MTUS2: variants seen among roughly 807,000 people sequenced by gnomAD.
MTUS2 encodes the protein microtubule-associated tumor suppressor candidate 2.
MTUS2 carries 40 observed loss-of-function variants against 114.1 expected under a neutral mutation model. The observed-to-expected ratio is 0.35, with a 90% CI of 0.27 to 0.46. The LOEUF is 0.46. Among genes scored for constraint, MTUS2 ranks in the 20% least tolerant of loss-of-function variants. MTUS2 has a pLI of 1.00. For missense variants in MTUS2, 1,679 were observed against 1,705.4 expected, an observed-to-expected ratio of 0.98 and a Z score of 0.27; for synonymous variants, 688 against 672.0, an observed-to-expected ratio of 1.02 and a Z score of -0.37.
At chr13:29,003,810 C>T (rs1885485743) in intron 2 of MTUS2, among the ~76,000 whole-genome samples, 1 of 152,188 alleles carries the variant, frequency 6.6e-6, no homozygotes, top group Admixed American at 6.5e-5. Flanking sequence ...AGGCAGAGTG[C>T]TCCTGCGGCC....
chr13:29,062,466 A>G (rs1226947694), intron 4 of MTUS2, among the ~76,000 whole-genome samples: 1 of 152,162 alleles, frequency 6.6e-6, no homozygotes, highest in Non-Finnish European at 1.5e-5. Flanking sequence ...GTACCATCAC[A>G]CTGGCAAATA....
rs372394574 is a variant in MTUS2 at position 29,033,897 on chromosome 13, C to T, written c.2218C>T (p.Pro740Ser). 12 of 1,613,854 alleles carry T rather than the reference C, an allele frequency of 7.4e-6. No homozygotes were observed. The African/African-American group carries it at 1.5e-4, about 20-fold the overall frequency. Residue 740 changes from proline (P) to serine (S), a missense_variant, in exon 4 of 16, where the codon CCT (proline) becomes TCT (serine). Transcript: ENST00000612955. ...TCATTTATCATAGGTTACAGACCAC[C>T]CTGGAAAAGAAGAGTTTTGTTCTCC... ...EKFLQEVTDH[P>S]GKEEFCSPPY...
At chr13:28,908,961 T>G (rs924057052) in intron 2 of MTUS2, among the ~76,000 whole-genome samples, 11 of 151,624 alleles carry the variant, frequency 7.3e-5, no homozygotes, top group African/African-American at 2.4e-4. Context: ...TTTCCCCATT[T>G]CTTGTTTTTG....
intron 8 of MTUS2, among the ~76,000 whole-genome samples, chr13:29,367,417 A>C (rs1870809831): frequency 6.6e-6 from 1 of 152,164 alleles, no homozygotes; most frequent in South Asian, 2.1e-4. Flanking sequence ...AGGGCCTTGA[A>C]TCTTAAATAA....
At chr13:28,902,413 T>C (rs1879698572) in intron 2 of MTUS2, among the ~76,000 whole-genome samples, 1 of 152,138 alleles carries the variant, frequency 6.6e-6, no homozygotes, top group Middle Eastern at 3.2e-3. Flanking sequence ...AGGGGAAACA[T>C]TCAGGCATTA....
intron 8 of MTUS2, among the ~76,000 whole-genome samples, chr13:29,432,650 C>T (rs1593437764): frequency 6.6e-6 from 1 of 152,184 alleles, no homozygotes; most frequent in South Asian, 2.1e-4. Context: ...TGAAATGTTC[C>T]TGGCCCTGGT....
chr13:29,064,357 T>TG (rs1888558158), intron 4 of MTUS2, among the ~76,000 whole-genome samples: 1 of 147,966 alleles, frequency 6.8e-6, no homozygotes, highest in Non-Finnish European at 1.5e-5. Context: ...GGCCAGATTG[T>TG]GGGGGGATTT....
chr13:29,155,857 C>G lies in MTUS2; in HGVS notation c.2644+54887C>G, dbSNP rs3902361. ...TTGTTAATTATAATATCATTAACTT[C>G]TGCTTGTTCCTGCTTAATGTTCTAT... On this transcript the variant is annotated intron_variant, in intron 5 of 15. Coordinates refer to ENST00000612955, the MANE Select transcript of MTUS2 (RefSeq NM_001033602.4). 2.7e-3 allele frequency among the ~76,000 whole-genome samples: 415 copies of G among 151,946 alleles called. 2 individuals carry two copies. Among genetic ancestry groups the G allele is most frequent in the African/African-American group, 9.5e-3 (395 of 41,428 alleles).
At chr13:28,894,437 A>AG (rs548158741) in intron 2 of MTUS2, among the ~76,000 whole-genome samples, 2 of 151,616 alleles carry the variant, frequency 1.3e-5, no homozygotes, top group African/African-American at 4.8e-5. Context: ...CAAGCCGGGA[A>AG]GGGGGTACCC....
At chr13:29,448,494 C>T (rs1311741393) in intron 9 of MTUS2, among the ~76,000 whole-genome samples, 1 of 151,844 alleles carries the variant, frequency 6.6e-6, no homozygotes, top group Non-Finnish European at 1.5e-5. Context: ...TTTTTTTTCC[C>T]CTTGGTGAGC....
chr13:28,823,246 A>G (rs576000467), intron 1 of MTUS2, among the ~76,000 whole-genome samples: 14 of 152,380 alleles, frequency 9.2e-5, no homozygotes, highest in Non-Finnish European at 1.6e-4. Flanking sequence ...AAACAAACTC[A>G]TTCCTCGAAA....
chr13:29,235,155 G>A (rs1285551576), intron 5 of MTUS2, among the ~76,000 whole-genome samples: 1 of 152,042 alleles, frequency 6.6e-6, no homozygotes, highest in East Asian at 1.9e-4. Flanking sequence ...GGAGTGCAGT[G>A]GCACGATCTC....
At chr13:29,258,393 T>A (rs887875890) in intron 5 of MTUS2, among the ~76,000 whole-genome samples, 1 of 152,106 alleles carries the variant, frequency 6.6e-6, no homozygotes, top group Non-Finnish European at 1.5e-5. Flanking sequence ...GAAAAAAAAA[T>A]GCTGTGCTTT....
At chr13:29,084,204 AGCCAGTTAGT>A (rs1821271778) in intron 4 of MTUS2, among the ~76,000 whole-genome samples, 2 of 152,194 alleles carry the variant, frequency 1.3e-5, no homozygotes, top group South Asian at 4.1e-4. Flanking sequence ...GAAGTACAAA[AGCCAGTTAGT>A]GCCCTTTTAA....
At chr13:29,182,525 T>A (rs193219299) in intron 5 of MTUS2, among the ~76,000 whole-genome samples, 76 of 152,312 alleles carry the variant, frequency 5.0e-4, no homozygotes, top group African/African-American at 1.7e-3. Flanking sequence ...GTACAATACA[T>A]CCCTGTTACT....
intron 5 of MTUS2, among the ~76,000 whole-genome samples, chr13:29,136,012 C>CT (rs1356501932): frequency 6.6e-6 from 1 of 152,172 alleles, no homozygotes; most frequent in African/African-American, 2.4e-5. Flanking sequence ...GTATTAGACT[C>CT]TTAAGTCCCA....
At chr13:28,990,167 A>G (rs1001192139) in intron 2 of MTUS2, among the ~76,000 whole-genome samples, 1 of 152,098 alleles carries the variant, frequency 6.6e-6, no homozygotes, top group African/African-American at 2.4e-5. Context: ...AGGTGTGGGG[A>G]ATTACAGGCC....
At chr13:29,163,328 G>A (rs1205327776) in intron 5 of MTUS2, among the ~76,000 whole-genome samples, 1 of 152,174 alleles carries the variant, frequency 6.6e-6, no homozygotes, top group Non-Finnish European at 1.5e-5. Flanking sequence ...CTCGGCAGGG[G>A]TTTTCTGAGG....
intron 5 of MTUS2, among the ~76,000 whole-genome samples, chr13:29,249,453 A>G (rs1331735323): frequency 5.3e-5 from 8 of 152,146 alleles, no homozygotes; most frequent in Admixed American, 5.2e-4. Context: ...CTGTTTCTCC[A>G]CAGCCTCACC....
Sources: gnomAD v4.1 joint callset for allele counts (sites outside exome capture counted in the v4.1 genomes callset) on GRCh38, gnomAD v4.1.1 for gene constraint, MANE v1.5 for transcripts, NCBI Gene and HGNC (gene_info 2026-07-23, HGNC 2026-07-21) for gene names.